GSE1: variants seen among roughly 807,000 people sequenced by gnomAD.
The protein encoded by GSE1 is Gse1 coiled-coil protein, also known as genetic suppressor element 1.
GSE1 carries 32 observed loss-of-function variants against 112.6 expected under a neutral mutation model. That is an observed-to-expected ratio of 0.28 (90% CI 0.21 to 0.38). The LOEUF (loss-of-function observed/expected upper bound fraction) is 0.38, where lower values mean the gene tolerates loss of function less well. GSE1 is among the 10% of genes least tolerant of loss of function. GSE1 has a pLI of 1.00. For missense variants in GSE1, 2,348 were observed against 1,699.2 expected, an observed-to-expected ratio of 1.38 and a Z score of -6.71; for synonymous variants, 1,115 against 735.6, an observed-to-expected ratio of 1.52 and a Z score of -8.35.
rs545016901 is a variant in GSE1 at position 85,359,362 on chromosome 16, C to T, written c.2464+1719C>T. 1.3e-5 allele frequency: 6 copies of T among 455,970 alleles called. No homozygotes were observed. The East Asian group carries it at 2.1e-4, about 16-fold the overall frequency. 28.2% of individuals were successfully genotyped at this position (455,970 alleles called of 1,614,324 possible). On this transcript the variant is annotated intron_variant, in intron 2 of 2. Coordinates refer to the GSE1 transcript ENST00000637419. ...CACAGCTTTGGGCAGAGCCCTGCCC[C>T]AGGAAACCAGAGTCCTCCGGAGCAG... is the stretch of plus-strand genomic sequence containing the variant.
At chr16:85,302,430 A>C (rs1048184627) in intron 1 of GSE1, among the ~76,000 whole-genome samples, 10 of 137,416 alleles carry the variant, frequency 7.3e-5, no homozygotes, top group African/African-American at 3.0e-4. Context: ...ATTAGCCACA[A>C]ATGAGTCACA....
intron 1 of GSE1, among the ~76,000 whole-genome samples, chr16:85,334,532 A>G (rs1487625881): frequency 6.6e-6 from 1 of 152,162 alleles, no homozygotes; most frequent in Admixed American, 6.5e-5. Context: ...CTCATCCTTG[A>G]AGGACCTGGT....
intron 2 of GSE1, among the ~76,000 whole-genome samples, chr16:85,408,251 A>T (rs1383713301): frequency 8.8e-3 from 2 of 226 alleles, no homozygotes; most frequent in African/African-American, 0.026. Flanking sequence ...TCACTGTTAC[A>T]CTCAGGCCCC....
intron 2 of GSE1, among the ~76,000 whole-genome samples, chr16:85,512,257 G>A (rs560243707): frequency 6.6e-5 from 10 of 152,316 alleles, no homozygotes; most frequent in African/African-American, 1.9e-4. Flanking sequence ...AGTATTCACC[G>A]CAGCTGTGAC....
chr16:85,595,829 C>T, intron 1 of GSE1: 1 of 128,698 alleles, frequency 7.8e-6, no homozygotes, highest in Non-Finnish European at 1.7e-5. Flanking sequence ...CCCACCCACC[C>T]ACTCTTCCAT....
At chr16:85,297,872 C>T (rs1429676427) in intron 1 of GSE1, among the ~76,000 whole-genome samples, 5 of 152,144 alleles carry the variant, frequency 3.3e-5, no homozygotes, top group South Asian at 2.1e-4. Flanking sequence ...AAATCTCCAT[C>T]GTGGCCTGCA....
At chr16:85,601,326 C>T (rs1297654314) in intron 1 of GSE1, among the ~76,000 whole-genome samples, 1 of 152,016 alleles carries the variant, frequency 6.6e-6, no homozygotes, top group African/African-American at 2.4e-5. Context: ...GGTGGGGCAG[C>T]CATGGGTGTC....
At chr16:85,236,691 T>C (rs1904700522) in intron 1 of GSE1, among the ~76,000 whole-genome samples, 1 of 152,154 alleles carries the variant, frequency 6.6e-6, no homozygotes, top group South Asian at 2.1e-4. Flanking sequence ...CCATTGAAGG[T>C]TCCTGAGCAG....
At position 85,274,439 on chromosome 16, in the gene GSE1, G is replaced by A. The variant is rs562835240; in HGVS notation, c.2284-83024G>A. On this transcript the variant is annotated intron_variant, in intron 1 of 2. Transcript: ENST00000637419. ...AAATAAAAGAGGGAAAGAGTGTATT[G>A]ATGTATTTATCGAGCACTCGGCCAG... Among the ~76,000 whole-genome samples, 4 of 149,484 alleles carry A rather than the reference G, an allele frequency of 2.7e-5. No individual in the cohort carries two copies. In the South Asian group the frequency reaches 8.6e-4, roughly 32 times the overall value.
intron 2 of GSE1, among the ~76,000 whole-genome samples, chr16:85,420,532 T>C (rs2151737128): frequency 6.6e-6 from 1 of 152,186 alleles, no homozygotes; most frequent in Non-Finnish European, 1.5e-5. Flanking sequence ...GGTGGCACCA[T>C]TGCTCTCTGG....
chr16:85,175,090 G>A (rs1156514003), intron 1 of GSE1, among the ~76,000 whole-genome samples: 1 of 152,154 alleles, frequency 6.6e-6, no homozygotes. Flanking sequence ...TCATGCGTTA[G>A]CGAATCAGCT....
intron 1 of GSE1, among the ~76,000 whole-genome samples, chr16:85,586,179 G>A (rs1192344362): frequency 6.6e-6 from 1 of 152,214 alleles, no homozygotes; most frequent in Admixed American, 6.5e-5. Flanking sequence ...TCCAGTCAGT[G>A]GGTTCAGGCC....
At chr16:85,223,904 C>T (rs1022784720) in intron 1 of GSE1, among the ~76,000 whole-genome samples, 1 of 152,076 alleles carries the variant, frequency 6.6e-6, no homozygotes, top group African/African-American at 2.4e-5. Flanking sequence ...CTCATTTGGC[C>T]CACCACTGTA....
intron 1 of GSE1, among the ~76,000 whole-genome samples, chr16:85,299,468 A>G (rs1043179844): frequency 6.6e-6 from 1 of 152,234 alleles, no homozygotes; most frequent in African/African-American, 2.4e-5. Context: ...CACTTCTGCC[A>G]GTGACCTGCC....
At chr16:85,531,366 G>A (rs768170014) in intron 2 of GSE1, among the ~76,000 whole-genome samples, 2 of 152,112 alleles carry the variant, frequency 1.3e-5, no homozygotes, top group Non-Finnish European at 2.9e-5. Context: ...GTCCAGGGCC[G>A]CTGACCCCTG....
Position 85,666,279 on chromosome 16 carries a change from A to G in GSE1, c.3062A>G (p.Glu1021Gly). The G allele has an allele frequency of 6.2e-7, 1 of 1,613,900 alleles. No homozygotes were observed. Among genetic ancestry groups the G allele is most frequent in the South Asian group, 1.1e-5 (1 of 91,084 alleles). The change falls in exon 13 of 16, where the codon GAA becomes GGA. Residue 1021 changes from glutamate (E) to glycine (G), a missense_variant. Glu to Gly is a moderately conservative substitution (Grantham distance 98). Coordinates refer to ENST00000253458, the MANE Select transcript of GSE1 (RefSeq NM_014615.5). ...AAGCCGTGGGAGCCCTTTGTGGCAGAAGAGTTTGCACATCAGTTCCACGAG... is the reference window on the plus strand; with the variant it reads ...AAGCCGTGGGAGCCCTTTGTGGCAGGAGAGTTTGCACATCAGTTCCACGAG... ...KSKPWEPFVA[E>G]EFAHQFHESV...
intron 2 of GSE1, among the ~76,000 whole-genome samples, chr16:85,429,701 G>C (rs533077711): frequency 6.6e-6 from 1 of 151,924 alleles, no homozygotes; most frequent in Non-Finnish European, 1.5e-5. Context: ...CTGCCCCAGG[G>C]CCTTTGCCCC....
chr16:85,486,212 G>C (rs561666471), intron 2 of GSE1, among the ~76,000 whole-genome samples: 65 of 152,138 alleles, frequency 4.3e-4, no homozygotes, highest in African/African-American at 1.5e-3. Flanking sequence ...CCTTCTCTCT[G>C]TACTCACACA....
chr16:85,458,584 T>C (rs1295898398), intron 2 of GSE1, among the ~76,000 whole-genome samples: 2 of 152,206 alleles, frequency 1.3e-5, no homozygotes, highest in Non-Finnish European at 2.9e-5. Context: ...GTTGATGCCC[T>C]ACTGGCCAGT....
Sources: allele counts gnomAD v4.1 joint callset (sites outside exome capture counted in the v4.1 genomes callset), GRCh38; gene constraint gnomAD v4.1.1; transcripts MANE v1.5; gene names NCBI Gene and HGNC (gene_info 2026-07-23, HGNC 2026-07-21).